The following KIAA0319 variants were observed in gnomAD, a reference collection of about 807,000 sequenced individuals.
KIAA0319 encodes the protein dyslexia-associated protein KIAA0319.
KIAA0319 carries 83 observed loss-of-function variants against 108.4 expected under a neutral mutation model. The observed-to-expected ratio is 0.77, with a 90% CI of 0.64 to 0.92. The LOEUF is 0.92. KIAA0319 is among the 40% of genes least tolerant of loss of function. The probability of loss-of-function intolerance (pLI) is 0.00; values close to 1 mark genes in which losing one functional copy is unlikely to be tolerated. For missense variants in KIAA0319, 1,195 were observed against 1,322.4 expected, an observed-to-expected ratio of 0.90 and a Z score of 1.49; for synonymous variants, 484 against 510.4, an observed-to-expected ratio of 0.95 and a Z score of 0.70.
In KIAA0319 at chr6:24,564,222, G is replaced by A; in HGVS notation, c.2411C>T (p.Ala804Val). ...DSQGASDTDTATVEVQPDPRK... is the reference protein window; with the variant it reads ...DSQGASDTDTVTVEVQPDPRK... The stretch of plus-strand genomic sequence containing the variant: ...CTCACCTGGCTGCACTTCCACAGTG[G>A]CAGTGTCTGTGTCCGAGGCCCCCTG... The change falls in exon 15 of 21, where the codon GCC becomes GTC. Residue 804 changes from alanine (A) to valine (V), a missense_variant. By Grantham distance (64) the Ala-to-Val change is moderately conservative. Transcript: ENST00000378214. The A allele has an allele frequency of 6.2e-7, 1 of 1,614,118 alleles. No individual in the cohort carries two copies. The highest frequency in any genetic ancestry group is 8.5e-7 in the Non-Finnish European group (1 of 1,180,008).
At chr6:24,638,829 G>A (rs1776552574) in intron 1 of KIAA0319, among the ~76,000 whole-genome samples, 1 of 152,040 alleles carries the variant, frequency 6.6e-6, no homozygotes, top group Non-Finnish European at 1.5e-5. Flanking sequence ...TACATACTAG[G>A]GATCTAAGGT....
intron 3 of KIAA0319, among the ~76,000 whole-genome samples, chr6:24,593,687 C>T (rs1227352808): frequency 6.6e-6 from 1 of 151,600 alleles, no homozygotes; most frequent in South Asian, 2.1e-4. Flanking sequence ...AGGCATGAGA[C>T]ACTGCTCCCG....
In KIAA0319 at chr6:24,578,165, C is replaced by G; in HGVS notation, c.1450G>C (p.Val484Leu). ...NGPFIEEKTS[V>L]DSPVLRLSNL... ...GACAAGCGTAAGACGGGAGAGTCAA[C>G]TGAAGTCTTCTCTTCTATGAAGGGC... Residue 484 changes from valine to leucine, a missense_variant, in exon 9 of 21, where the codon GTT becomes CTT. Val to Leu is a conservative substitution (Grantham distance 32). Coordinates refer to ENST00000378214, the MANE Select transcript of KIAA0319 (RefSeq NM_014809.4). 6.2e-7 allele frequency: 1 copy of G among 1,613,420 alleles called. No homozygotes were observed. The highest frequency in any genetic ancestry group is 1.7e-5 in the Admixed American group (1 of 59,972).
intron 10 of KIAA0319, among the ~76,000 whole-genome samples, chr6:24,573,696 A>G (rs963233843): frequency 2.6e-5 from 4 of 152,258 alleles, no homozygotes; most frequent in African/African-American, 7.2e-5. Flanking sequence ...ATTATTTCCA[A>G]TAAGGACACT....
chr6:24,597,917 C>CGAAAA (rs1769918231), intron 2 of KIAA0319: 1 of 32,434 alleles, frequency 3.1e-5, no homozygotes. Context: ...GACCCTATCT[C>CGAAAA]AAAAAAAAAA....
At chr6:24,563,643 CT>C in intron 15 of KIAA0319, 125 bp from the exon 16 acceptor site, 1 of 837,734 alleles carries the variant, frequency 1.2e-6, no homozygotes, top group South Asian at 2.4e-5. Context: ...AGTTGTAGCA[CT>C]CAGGTAAATT....
At chr6:24,560,193 T>A in intron 16 of KIAA0319, among the ~76,000 whole-genome samples, 1 of 152,216 alleles carries the variant, frequency 6.6e-6, no homozygotes, top group East Asian at 1.9e-4. Context: ...TAGACATAAG[T>A]TTTTCATTTT....
At chr6:24,631,278 T>C (rs764473701) in intron 1 of KIAA0319, among the ~76,000 whole-genome samples, 24 of 152,292 alleles carry the variant, frequency 1.6e-4, no homozygotes, top group Non-Finnish European at 3.4e-4. Context: ...CAGCGGTGAA[T>C]GCAGGCCATG....
chr6:24,625,637 T>A (rs910535755), intron 1 of KIAA0319, among the ~76,000 whole-genome samples: 1 of 152,204 alleles, frequency 6.6e-6, no homozygotes, highest in African/African-American at 2.4e-5. Context: ...TGTAAAACTA[T>A]GTCTATTCAC....
At chr6:24,589,731 G>A (rs1768164693) in intron 3 of KIAA0319, among the ~76,000 whole-genome samples, 1 of 152,164 alleles carries the variant, frequency 6.6e-6, no homozygotes, top group African/African-American at 2.4e-5. Context: ...ATGTAAGAAT[G>A]GACTACTACA....
chr6:24,556,793 T>G (rs970362244), intron 17 of KIAA0319, 64 bp from the exon 18 acceptor site: 6 of 1,549,968 alleles, frequency 3.9e-6, no homozygotes, highest in South Asian at 3.6e-5. Flanking sequence ...ATTCAGCTTC[T>G]TTTGTATCTT....
intron 10 of KIAA0319, 137 bp from the exon 11 acceptor site, chr6:24,572,835 G>T: frequency 1.1e-6 from 1 of 885,512 alleles, no homozygotes; most frequent in Non-Finnish European, 1.6e-6. Context: ...AATGTGTTTG[G>T]CCAGGCACGG....
intron 1 of KIAA0319, among the ~76,000 whole-genome samples, chr6:24,626,849 A>G (rs1774787507): frequency 6.6e-6 from 1 of 152,192 alleles, no homozygotes; most frequent in South Asian, 2.1e-4. Context: ...TAAACTGTGC[A>G]GAATAATGAT....
chr6:24,564,186 G>A lies in KIAA0319; in HGVS notation c.2431+16C>T. 1 of 1,614,042 alleles carries A rather than the reference G, an allele frequency of 6.2e-7. No homozygotes were observed. Among genetic ancestry groups the A allele is most frequent in the Non-Finnish European group, 8.5e-7 (1 of 1,179,986 alleles). ...GCCAGAGCCTGCATGGCCAGCTCCA[G>A]AGCCCAGGAACTCACCTGGCTGCAC... On this transcript the variant is annotated intron_variant, in intron 15 of 20. Transcript: ENST00000378214.
chr6:24,598,464 C>A, intron 2 of KIAA0319: 1 of 515,656 alleles, frequency 1.9e-6, no homozygotes, highest in Non-Finnish European at 3.7e-6. Context: ...AGAGCTACAT[C>A]AACCTATGGC....
intron 1 of KIAA0319, among the ~76,000 whole-genome samples, chr6:24,609,273 CAAAAAAAAAA>C (rs886616830): frequency 4.0e-5 from 3 of 74,858 alleles, no homozygotes; most frequent in East Asian, 3.9e-4. Context: ...GTCTCAAAAA[CAAAAAAAAAA>C]AAAAAAGAAA....
downstream of KIAA0319, among the ~76,000 whole-genome samples, chr6:24,543,027 G>GT (rs1760264849): frequency 6.6e-6 from 1 of 152,302 alleles, no homozygotes; most frequent in African/African-American, 2.4e-5. Context: ...CGCTTGCTTT[G>GT]TTTTTTGAAA....
intron 3 of KIAA0319, among the ~76,000 whole-genome samples, chr6:24,595,328 T>C (rs886552908): frequency 3.5e-5 from 5 of 143,822 alleles, no homozygotes; most frequent in Admixed American, 6.7e-5. Flanking sequence ...GGGTGGATCA[T>C]GAGGTCAGGA....
chr6:24,630,040 A>G (rs1386187956), intron 1 of KIAA0319, among the ~76,000 whole-genome samples: 3 of 152,206 alleles, frequency 2.0e-5, no homozygotes, highest in Admixed American at 6.5e-5. Flanking sequence ...TTAGCCGGGC[A>G]TGGTGGCGCA....
Sources: gnomAD v4.1 joint callset for allele counts (sites outside exome capture counted in the v4.1 genomes callset) on GRCh38, gnomAD v4.1.1 for gene constraint, MANE v1.5 for transcripts, NCBI Gene and HGNC (gene_info 2026-07-23, HGNC 2026-07-21) for gene names.